Variants in PLPPR1 observed in about 807,000 individuals in gnomAD.
The protein encoded by PLPPR1 is phospholipid phosphatase-related protein type 1.
In PLPPR1, 10 loss-of-function variants were observed where a neutral mutation model predicts 33.1. That is an observed-to-expected ratio of 0.30 (90% CI 0.19 to 0.51). The LOEUF (loss-of-function observed/expected upper bound fraction) is 0.51. Ranked by LOEUF, PLPPR1 falls within the 20% of genes least tolerant of loss-of-function variation. The pLI is 0.97. For missense variants in PLPPR1, 304 were observed against 408.1 expected (o/e 0.74, Z 2.20); for synonymous variants, 151 against 151.0 (o/e 1.00, Z 0.00).
At chr9:101,184,034 A>C (rs1251583336) in intron 1 of PLPPR1, among the ~76,000 whole-genome samples, 1 of 151,774 alleles carries the variant, frequency 6.6e-6, no homozygotes, top group Admixed American at 6.6e-5. Flanking sequence ...GGGTTAAGTA[A>C]GGGCAAAATT....
intron 1 of PLPPR1, among the ~76,000 whole-genome samples, chr9:101,077,085 T>G (rs1218424018): frequency 1.3e-5 from 2 of 152,238 alleles, no homozygotes; most frequent in African/African-American, 4.8e-5. Context: ...ACTAGTGCTA[T>G]GGCTGCTTTG....
chr9:101,321,612 A>G (rs1829151577), intron 7 of PLPPR1, among the ~76,000 whole-genome samples: 1 of 152,074 alleles, frequency 6.6e-6, no homozygotes, highest in Non-Finnish European at 1.5e-5. Context: ...AGTGTTGTTC[A>G]GTTGAGTTCT....
In PLPPR1 at chr9:101,321,966, A is replaced by C. The variant is rs1829159051; in HGVS notation, c.946-2059A>C. ...AAAGATACTTATACATATTTAATAT[A>C]TATTTTATATCACCTGAGGTCAGGA... On this transcript the variant is annotated intron_variant, in intron 7 of 7. Transcript: ENST00000374874. 1.3e-5 allele frequency among the ~76,000 whole-genome samples: 2 copies of C among 148,548 alleles called. 1 individual carries two copies. The highest frequency in any genetic ancestry group is 4.2e-4 in the South Asian group (2 of 4,794).
rs560853241 is a variant in PLPPR1 at position 101,082,933 on chromosome 9, G to A, written c.-46+53831G>A. ...CATGTGCCAGTGAGGGACAACTACT[G>A]TCATCACCCTGATTTTCATTGCTGT... On this transcript the variant is annotated intron_variant, in intron 1 of 7. Transcript: ENST00000374874. 3.3e-5 allele frequency among the ~76,000 whole-genome samples: 5 copies of A among 152,250 alleles called. No individual in the cohort carries two copies. The South Asian group carries it at 8.3e-4, about 25-fold the overall frequency.
chr9:101,173,317 G>C (rs1253620084), intron 1 of PLPPR1, among the ~76,000 whole-genome samples: 1 of 152,136 alleles, frequency 6.6e-6, no homozygotes, highest in Non-Finnish European at 1.5e-5. Flanking sequence ...GAAGCTGCTA[G>C]AGTTTTACTT....
chr9:101,044,229 T>G (rs192086831), intron 1 of PLPPR1, among the ~76,000 whole-genome samples: 94 of 152,250 alleles, frequency 6.2e-4, no homozygotes, highest in Non-Finnish European at 1.3e-4. Context: ...GAATAGACAG[T>G]TCTTCCTTTG....
chr9:101,165,115 T>C (rs1158591577), intron 1 of PLPPR1, among the ~76,000 whole-genome samples: 1 of 152,204 alleles, frequency 6.6e-6, no homozygotes, highest in Non-Finnish European at 1.5e-5. Flanking sequence ...GAGATCCCTG[T>C]TGATTATAAT....
chr9:101,102,807 G>A (rs1247263747), intron 1 of PLPPR1, among the ~76,000 whole-genome samples: 13 of 108,976 alleles, frequency 1.2e-4, no homozygotes, highest in Non-Finnish European at 1.2e-4. Context: ...TCCAGCACCT[G>A]TTGTTTCCTG....
At chr9:101,057,504 G>C (rs75072673) in intron 1 of PLPPR1, among the ~76,000 whole-genome samples, 2,395 of 151,990 alleles carry the variant, frequency 0.016, 67 homozygotes, top group East Asian at 0.14. Flanking sequence ...GGGCATTGTG[G>C]AAATGCACAA....
chr9:101,266,007 G>T (rs1827986113), intron 2 of PLPPR1, among the ~76,000 whole-genome samples: 1 of 151,728 alleles, frequency 6.6e-6, no homozygotes, highest in East Asian at 2.0e-4. Flanking sequence ...AAAAAAAAAG[G>T]TCACAGGAGA....
chr9:101,231,213 C>A (rs1206887868), intron 2 of PLPPR1, among the ~76,000 whole-genome samples: 1 of 151,790 alleles, frequency 6.6e-6, no homozygotes, highest in African/African-American at 2.4e-5. Flanking sequence ...CTACACCATG[C>A]CCAGTCCTTT....
chr9:101,259,497 C>G (rs1015793788), intron 2 of PLPPR1, among the ~76,000 whole-genome samples: 2 of 152,122 alleles, frequency 1.3e-5, no homozygotes, highest in African/African-American at 4.8e-5. Flanking sequence ...ACTGGGAAGC[C>G]AAGATCAAAG....
At chr9:101,129,961 T>TCTAGGAAGTGCAAACTA (rs1419006022) in intron 1 of PLPPR1, among the ~76,000 whole-genome samples, 1 of 152,120 alleles carries the variant, frequency 6.6e-6, no homozygotes, top group African/African-American at 2.4e-5. Context: ...TACGTAAAAT[T>TCTAGGAAGTGCAAACTA]CTAGGAAGTG....
chr9:101,046,109 T>C (rs184775051), intron 1 of PLPPR1, among the ~76,000 whole-genome samples: 156 of 152,326 alleles, frequency 1.0e-3, no homozygotes, highest in African/African-American at 3.7e-3. Context: ...GTAAGTGCAC[T>C]GCATTGAGGC....
At chr9:101,160,085 T>C (rs1011981352) in intron 1 of PLPPR1, among the ~76,000 whole-genome samples, 2 of 151,694 alleles carry the variant, frequency 1.3e-5, no homozygotes, top group African/African-American at 4.8e-5. Context: ...AAAACCCATT[T>C]GGATTTGTAA....
chr9:101,190,244 AT>A (rs991452498), intron 2 of PLPPR1, among the ~76,000 whole-genome samples: 1 of 152,140 alleles, frequency 6.6e-6, no homozygotes, highest in Non-Finnish European at 1.5e-5. Context: ...GTTTGTAGGT[AT>A]TTGCAGTGGA....
chr9:101,256,911 C>T (rs1348960518), intron 2 of PLPPR1, among the ~76,000 whole-genome samples: 3 of 152,130 alleles, frequency 2.0e-5, no homozygotes, highest in Non-Finnish European at 4.4e-5. Flanking sequence ...TTGCTTCTAA[C>T]ACCCCCAAGA....
Position 101,163,031 on chromosome 9 carries a change from T to G in PLPPR1, c.-45-22419T>G, listed in dbSNP as rs938422436. 2.6e-5 allele frequency among the ~76,000 whole-genome samples: 4 copies of G among 152,208 alleles called. No individual in the cohort carries two copies. In the East Asian group the frequency reaches 7.7e-4, roughly 29 times the overall value. The stretch of plus-strand genomic sequence containing the variant: ...TGTGAGGAAAAATAATTGTCGAAAT[T>G]ATTCATATTTAAATCTTAAGCTTTT... On this transcript the variant is annotated intron_variant, in intron 1 of 7. Coordinates refer to ENST00000374874, the MANE Select transcript of PLPPR1 (RefSeq NM_207299.2).
intron 1 of PLPPR1, among the ~76,000 whole-genome samples, chr9:101,151,607 A>C (rs1369934283): frequency 6.6e-6 from 1 of 152,188 alleles, no homozygotes; most frequent in Admixed American, 6.5e-5. Flanking sequence ...TGTACCAATG[A>C]AGCCTCCTGT....
Sources: allele counts gnomAD v4.1 joint callset (sites outside exome capture counted in the v4.1 genomes callset), GRCh38; gene constraint gnomAD v4.1.1; transcripts MANE v1.5; gene names NCBI Gene and HGNC (gene_info 2026-07-23, HGNC 2026-07-21).